Variants in ATP11A observed in about 807,000 individuals in gnomAD.
ATP11A encodes phospholipid-transporting ATPase IH.
ATP11A carries 81 observed loss-of-function variants against 154.4 expected under a neutral mutation model. That is an observed-to-expected ratio of 0.52 (90% confidence interval 0.44 to 0.63). The LOEUF (loss-of-function observed/expected upper bound fraction) is 0.63. Ranked by LOEUF, ATP11A falls within the 30% of genes least tolerant of loss-of-function variation. ATP11A has a pLI of 0.00. For synonymous variants in ATP11A, 623 were observed against 585.9 expected (o/e 1.06, Z -0.91); for missense variants, 1,316 against 1,474.3 (o/e 0.89, Z 1.76).
rs915540919 is a variant in ATP11A at position 112,785,582 on chromosome 13, C to T, written c.162+325C>T. ...GTCCCACTTCTGAGGCGCCTGGCCA[C>T]GTGCTTGTCGTGGGCCACCCTGGCC... On this transcript the variant is annotated intron_variant, in intron 2 of 29. Transcript: ENST00000375645. The surrounding 1 kb of genome is among the most constrained non-coding windows in gnomAD (Gnocchi z 4.8). Among the ~76,000 whole-genome samples, 32 of 152,098 alleles carry T rather than the reference C, an allele frequency of 2.1e-4. No homozygotes were observed. The highest frequency in any genetic ancestry group is 7.2e-5 in the African/African-American group (3 of 41,412).
At chr13:112,843,272 T>C (rs6577116) in intron 17 of ATP11A, among the ~76,000 whole-genome samples, 113,973 of 151,758 alleles carry the variant, frequency 0.75, 44,026 homozygotes, top group African/African-American at 0.94. Flanking sequence ...TAAAGCTGGG[T>C]GACGCATGGC....
intron 1 of ATP11A, among the ~76,000 whole-genome samples, chr13:112,730,332 CCGGAGGA>C (rs796207938): frequency 1.7e-4 from 26 of 152,294 alleles, no homozygotes; most frequent in African/African-American, 6.0e-4. Context: ...CTCATGGAGG[CCGGAGGA>C]CGGGCATTGA....
chr13:112,841,574 C>T (rs141348517), intron 16 of ATP11A, among the ~76,000 whole-genome samples: 1,809 of 148,446 alleles, frequency 0.012, 21 homozygotes, highest in African/African-American at 0.043. Flanking sequence ...GGAGCACCTG[C>T]GCCCAGGCAC....
chr13:112,725,927 C>T (rs56677654), intron 1 of ATP11A, among the ~76,000 whole-genome samples: 1 of 152,264 alleles, frequency 6.6e-6, no homozygotes, highest in Admixed American at 6.5e-5. Context: ...GAAGGACGCC[C>T]TCAGAGCAAG....
intron 1 of ATP11A, among the ~76,000 whole-genome samples, chr13:112,774,010 A>G (rs887904647): frequency 6.6e-6 from 1 of 152,052 alleles, no homozygotes; most frequent in Non-Finnish European, 1.5e-5. Context: ...CTCCTCAAAC[A>G]CAGTGCCCGC....
At chr13:112,776,388 G>A (rs765629794) in intron 1 of ATP11A, among the ~76,000 whole-genome samples, 6 of 152,216 alleles carry the variant, frequency 3.9e-5, no homozygotes, top group Non-Finnish European at 8.8e-5. Context: ...CTTTATTAAC[G>A]GGGAAATGTG....
At chr13:112,797,089 C>G (rs1021091497) in intron 2 of ATP11A, among the ~76,000 whole-genome samples, 3 of 151,728 alleles carry the variant, frequency 2.0e-5, no homozygotes, top group South Asian at 4.2e-4. Context: ...GGTGAAACCC[C>G]GTCTGTACTG....
intron 1 of ATP11A, among the ~76,000 whole-genome samples, chr13:112,779,098 A>C (rs4998916): frequency 1.3e-5 from 1 of 75,054 alleles, no homozygotes; most frequent in South Asian, 5.2e-4. Flanking sequence ...AGGAGTAGCC[A>C]CTGGAGTGAG....
At chr13:112,714,197 C>T (rs1888164297) in intron 1 of ATP11A, among the ~76,000 whole-genome samples, 1 of 150,920 alleles carries the variant, frequency 6.6e-6, no homozygotes, top group Admixed American at 6.6e-5. Context: ...CCACTCCTCC[C>T]AGCTGTCTTG....
Position 112,758,279 on chromosome 13 carries a change from C to CT in ATP11A, c.40-26855dup, listed in dbSNP as rs201619699. On this transcript the variant is annotated intron_variant, in intron 1 of 29. Coordinates refer to ENST00000375645, the MANE Select transcript of ATP11A (RefSeq NM_015205.3). ...GTTTCACCATGTTGGCCAGGCTGGT[C>CT]TCGAACTCCTGACCTCAGGTGATCC... Among the ~76,000 whole-genome samples the CT allele has an allele frequency of 4.4e-3, 674 of 152,034 alleles. 9 individuals carry two copies. Among genetic ancestry groups the CT allele is most frequent in the African/African-American group, 0.015 (632 of 41,436 alleles).
Position 112,691,288 on chromosome 13 carries a change from C to G in ATP11A, c.39+833C>G, listed in dbSNP as rs1029503964. On this transcript the variant is annotated intron_variant, in intron 1 of 29. Coordinates refer to ENST00000375645, the MANE Select transcript of ATP11A (RefSeq NM_015205.3). ...GACCAGCCGGACCGACATGGTGAAA[C>G]CCCGTCTCTGCTAAAAAATACGAAA... Among the ~76,000 whole-genome samples the G allele has an allele frequency of 2.6e-5, 4 of 151,842 alleles. No homozygotes were observed. In the East Asian group the frequency reaches 7.8e-4, roughly 29 times the overall value.
At chr13:112,858,045 A>G (rs1325856635) in intron 21 of ATP11A, 100 bp from the exon 22 acceptor site, 5 of 1,570,690 alleles carry the variant, frequency 3.2e-6, no homozygotes, top group Non-Finnish European at 4.4e-6. Context: ...TGTGACCGGG[A>G]AGGCTCATGA....
At chr13:112,856,674 T>TG (rs11411350) in intron 20 of ATP11A, 145,964 of 152,490 alleles carry the variant, frequency 0.96, 69,916 homozygotes, top group Middle Eastern at 1. Flanking sequence ...ATGGAATGTA[T>TG]TGTAAACATG....
rs539930820 is a variant in ATP11A at position 112,797,735 on chromosome 13, G to A, written c.163-7222G>A. Among the ~76,000 whole-genome samples the A allele has an allele frequency of 3.7e-4, 57 of 152,300 alleles. No individual in the cohort carries two copies. In the South Asian group the frequency reaches 9.5e-3, roughly 25 times the overall value. On this transcript the variant is annotated intron_variant, in intron 2 of 29. Transcript: ENST00000375645. ...TTTTTCAGGCAAACAAAAATTGAGCGAATTCATTGCCAGTAGACCTCCCTT... is the reference window on the plus strand; with the variant it reads ...TTTTTCAGGCAAACAAAAATTGAGCAAATTCATTGCCAGTAGACCTCCCTT...
chr13:112,806,102 T>G, intron 3 of ATP11A, 111 bp from the exon 4 acceptor site: 1 of 724,038 alleles, frequency 1.4e-6, no homozygotes, highest in Non-Finnish European at 2.4e-6. Flanking sequence ...CCAGCAAAGG[T>G]CTTTAAATAA....
Position 112,854,449 on chromosome 13 carries a change from A to G in ATP11A, c.2162A>G (p.Gln721Arg), listed in dbSNP as rs1431738507. 2 of 1,613,060 alleles carry G rather than the reference A, an allele frequency of 1.2e-6. No individual in the cohort carries two copies. Among genetic ancestry groups the G allele is most frequent in the South Asian group, 2.2e-5 (2 of 91,074 alleles). ...CTGACCACCAAGAGGATCGAGGAGC[A>G]GAGCCTGCACGACGTCCTGTTCGAG... is the stretch of plus-strand genomic sequence containing the variant. ...LELTTKRIEE[Q>R]SLHDVLFELS... Residue 721 changes from glutamine (Q) to arginine (R), a missense_variant, in exon 19 of 30, where the codon CAG becomes CGG. Coordinates refer to ENST00000375645, the MANE Select transcript of ATP11A (RefSeq NM_015205.3).
intron 17 of ATP11A, among the ~76,000 whole-genome samples, chr13:112,849,128 A>G (rs1307640552): frequency 6.6e-6 from 1 of 152,116 alleles, no homozygotes; most frequent in Non-Finnish European, 1.5e-5. Flanking sequence ...TGTGGGATTT[A>G]TGTCATGTAT....
At chr13:112,715,506 G>A (rs1594389289) in intron 1 of ATP11A, among the ~76,000 whole-genome samples, 1 of 15,098 alleles carries the variant, frequency 6.6e-5, no homozygotes, top group Non-Finnish European at 2.2e-4. Context: ...CCCATCCCCT[G>A]CACCTGGCCG....
chr13:112,829,222 C>T (rs1372190973), intron 12 of ATP11A, among the ~76,000 whole-genome samples: 2 of 152,170 alleles, frequency 1.3e-5, no homozygotes, highest in Non-Finnish European at 2.9e-5. Flanking sequence ...GTTCCTAGAG[C>T]TGAGGGTGAT....
Sources: allele counts gnomAD v4.1 joint callset (sites outside exome capture counted in the v4.1 genomes callset), GRCh38; gene constraint gnomAD v4.1.1; non-coding constraint Gnocchi (gnomAD v3.1); transcripts MANE v1.5; gene names NCBI Gene and HGNC (gene_info 2026-07-23, HGNC 2026-07-21).